The following UGT1A8 variants were observed in gnomAD, a reference collection of about 807,000 sequenced individuals.
UGT1A8 encodes UDP-glucuronosyltransferase 1A8.
In UGT1A8, 39 loss-of-function variants were observed where a neutral mutation model predicts 45.3. The ratio of observed to expected loss-of-function variants is 0.86; its 90% CI spans 0.67 to 1.12. The LOEUF is 1.12. UGT1A8 is among the 50% of genes most tolerant of loss of function. UGT1A8 has a pLI of 0.00. For synonymous variants in UGT1A8, 275 were observed against 249.2 expected (o/e 1.10, Z -0.97); for missense variants, 719 against 664.9 (o/e 1.08, Z -0.90).
chr2:233,729,973 A>C, intron 1 of UGT1A8: 1 of 1,614,080 alleles, frequency 6.2e-7, no homozygotes, highest in East Asian at 2.2e-5. Context: ...CAACTGTGCC[A>C]ACAGGAAGCC....
rs182473388 is a variant in UGT1A8, at chr2:233,678,066, C to G, written c.855+59504C>G. On this transcript the variant is annotated intron_variant, in intron 1 of 4. Transcript: ENST00000373450. ...ATTACCCTAAGGGAATATATACAGG[C>G]ACAGAACACCAAATACCATTGTTTT... 2.0e-5 allele frequency among the ~76,000 whole-genome samples: 3 copies of G among 152,218 alleles called. No individual in the cohort carries two copies. In the East Asian group the frequency reaches 5.8e-4, roughly 29 times the overall value.
chr2:233,665,264 C>G (rs143131089), intron 1 of UGT1A8, among the ~76,000 whole-genome samples: 4 of 152,288 alleles, frequency 2.6e-5, no homozygotes, highest in African/African-American at 9.6e-5. Flanking sequence ...GTTTTTTCAA[C>G]CAATTAATAT....
At chr2:233,659,334 A>G (rs936218280) in intron 1 of UGT1A8, among the ~76,000 whole-genome samples, 1 of 152,224 alleles carries the variant, frequency 6.6e-6, no homozygotes, top group Non-Finnish European at 1.5e-5. Context: ...TGTATAGCAG[A>G]AGCCTTACCA....
In UGT1A8 at chr2:233,702,349, G is replaced by GT. The variant is rs545005076; in HGVS notation, c.856-64676dup. 6.4e-4 allele frequency among the ~76,000 whole-genome samples: 97 copies of GT among 151,202 alleles called. No individual in the cohort carries two copies. In the South Asian group the frequency reaches 0.013, roughly 20 times the overall value. On this transcript the variant is annotated intron_variant, in intron 1 of 4. Coordinates refer to ENST00000373450, the MANE Select transcript of UGT1A8 (RefSeq NM_019076.5). ...CTGAACTTGTTTATTTGTTCTAATA[G>GT]TTTTTTTTTAGTGGATTTCGTAGGA... is the stretch of plus-strand genomic sequence containing the variant.
chr2:233,713,909 A>T (rs1191711784), intron 1 of UGT1A8: 23 of 1,612,758 alleles, frequency 1.4e-5, no homozygotes, highest in South Asian at 2.2e-5. Context: ...AACACTTTTT[A>T]AAAAATGTAT....
intron 1 of UGT1A8, among the ~76,000 whole-genome samples, chr2:233,621,230 A>G (rs568218679): frequency 3.3e-5 from 5 of 152,268 alleles, no homozygotes; most frequent in Non-Finnish European, 7.4e-5. Flanking sequence ...CAGTATTCCA[A>G]TGTGTGTGTG....
chr2:233,701,914 C>A lies in UGT1A8; in HGVS notation c.856-65120C>A, dbSNP rs1358780227. 1.3e-5 allele frequency among the ~76,000 whole-genome samples: 2 copies of A among 151,990 alleles called. 1 individual carries two copies. Among genetic ancestry groups the A allele is most frequent in the Admixed American group, 1.3e-4 (2 of 15,252 alleles). ...GCAGAAAAGATCTAAAATTGACACC[C>A]TAACATCACAATTAAAAGAACTAGA... On this transcript the variant is annotated intron_variant, in intron 1 of 4. Transcript: ENST00000373450.
chr2:233,712,799 T>C (rs2076255555), intron 1 of UGT1A8, among the ~76,000 whole-genome samples: 1 of 152,254 alleles, frequency 6.6e-6, no homozygotes, highest in Non-Finnish European at 1.5e-5. Context: ...GTGATCGGTC[T>C]TTCCCAGGGT....
chr2:233,620,440 C>T (rs1421055115), intron 1 of UGT1A8, among the ~76,000 whole-genome samples: 1 of 151,848 alleles, frequency 6.6e-6, no homozygotes, highest in African/African-American at 2.4e-5. Flanking sequence ...TATTGTGGCC[C>T]AAGGGGTCAC....
chr2:233,730,856 C>T (rs1409792373), intron 1 of UGT1A8, among the ~76,000 whole-genome samples: 1 of 152,142 alleles, frequency 6.6e-6, no homozygotes, highest in Non-Finnish European at 1.5e-5. Flanking sequence ...TCACCAAACC[C>T]ACCCTACTGC....
At chr2:233,687,010 C>T (rs1314780668) in intron 1 of UGT1A8, among the ~76,000 whole-genome samples, 2 of 152,192 alleles carry the variant, frequency 1.3e-5, no homozygotes. Flanking sequence ...CACTAGAGGA[C>T]TTTAGGAGGT....
chr2:233,707,461 T>G (rs1015244462), intron 1 of UGT1A8, among the ~76,000 whole-genome samples: 1 of 152,148 alleles, frequency 6.6e-6, no homozygotes, highest in African/African-American at 2.4e-5. Flanking sequence ...TAAATTTGCA[T>G]CTGTAAATAA....
intron 1 of UGT1A8, among the ~76,000 whole-genome samples, chr2:233,652,825 T>C (rs1175232727): frequency 6.6e-6 from 1 of 152,150 alleles, no homozygotes; most frequent in Non-Finnish European, 1.5e-5. Context: ...ATGGATCAAA[T>C]AGCTAAATAG....
chr2:233,753,001 T>C (rs1372117630), intron 1 of UGT1A8, among the ~76,000 whole-genome samples: 3 of 151,962 alleles, frequency 2.0e-5, no homozygotes, highest in African/African-American at 7.3e-5. Context: ...CATTCTATCC[T>C]ACCCAGAGTG....
At chr2:233,682,068 T>C in intron 1 of UGT1A8, 3 of 1,614,024 alleles carry the variant, frequency 1.9e-6, no homozygotes, top group Non-Finnish European at 2.5e-6. Flanking sequence ...ATGCAGTCGG[T>C]GGTGGAGAAA....
chr2:233,770,652 C>T (rs985386042), intron 4 of UGT1A8: 7 of 150,004 alleles, frequency 4.7e-5, no homozygotes, highest in Non-Finnish European at 1.0e-4. Context: ...AGTGAGACTC[C>T]GTCTTACTTA....
At chr2:233,693,730 T>C (rs1275166872) in intron 1 of UGT1A8, 1 of 1,614,242 alleles carries the variant, frequency 6.2e-7, no homozygotes, top group Admixed American at 1.7e-5. Flanking sequence ...GAGATGTGGA[T>C]ATAATCACCT....
chr2:233,723,031 G>A (rs925471070), intron 1 of UGT1A8, among the ~76,000 whole-genome samples: 9 of 143,556 alleles, frequency 6.3e-5, no homozygotes, highest in Admixed American at 1.4e-4. Context: ...AAGGGCCAGC[G>A]GGAGAGGCAG....
chr2:233,687,969 G>T (rs2074872231), intron 1 of UGT1A8, among the ~76,000 whole-genome samples: 1 of 152,200 alleles, frequency 6.6e-6, no homozygotes, highest in Non-Finnish European at 1.5e-5. Context: ...TGTAATTCAT[G>T]TATCGTAAAA....
Sources: gnomAD v4.1 joint callset for allele counts (sites outside exome capture counted in the v4.1 genomes callset) on GRCh38, gnomAD v4.1.1 for gene constraint, MANE v1.5 for transcripts, NCBI Gene and HGNC (gene_info 2026-07-23, HGNC 2026-07-21) for gene names.